Variants in HUNK observed in about 807,000 individuals in gnomAD.
HUNK encodes the protein hormonally up-regulated Neu-associated kinase.
In HUNK, 21 loss-of-function variants were observed where a neutral mutation model predicts 61.0. The observed-to-expected ratio is 0.34, with a 90% CI of 0.24 to 0.50. HUNK has a LOEUF of 0.50. HUNK is among the 20% of genes least tolerant of loss of function. The pLI is 0.98. For synonymous variants in HUNK, 371 were observed against 386.1 expected, an observed-to-expected ratio of 0.96 and a Z score of 0.46; for missense variants, 772 against 945.7, an observed-to-expected ratio of 0.82 and a Z score of 2.41.
chr21:31,926,214 G>A (rs973416141), intron 2 of HUNK, among the ~76,000 whole-genome samples: 5 of 152,146 alleles, frequency 3.3e-5, no homozygotes, highest in Admixed American at 6.5e-5. Flanking sequence ...CACCACGCCC[G>A]GCATAGAAAT....
At chr21:31,916,252 A>G (rs760393905) in intron 1 of HUNK, among the ~76,000 whole-genome samples, 20 of 151,486 alleles carry the variant, frequency 1.3e-4, no homozygotes, top group Non-Finnish European at 2.1e-4. Flanking sequence ...GGGTTTCACC[A>G]TGTTAGCCAG....
At chr21:31,895,058 CTCTT>C (rs931002897) in intron 1 of HUNK, among the ~76,000 whole-genome samples, 18 of 152,234 alleles carry the variant, frequency 1.2e-4, no homozygotes, top group Admixed American at 1.0e-3. Context: ...CAGTCCTGGT[CTCTT>C]TCTTTGGCAA....
At chr21:31,900,812 C>T (rs2052461491) in intron 1 of HUNK, among the ~76,000 whole-genome samples, 1 of 152,248 alleles carries the variant, frequency 6.6e-6, no homozygotes, top group Admixed American at 6.5e-5. Flanking sequence ...GATCAGATGC[C>T]TGTAGCCCTT....
At chr21:31,930,966 C>A (rs1281827986) in intron 2 of HUNK, among the ~76,000 whole-genome samples, 1 of 143,526 alleles carries the variant, frequency 7.0e-6, no homozygotes, top group East Asian at 2.1e-4. Context: ...TCATGGATGA[C>A]ACATTATTCT....
chr21:31,945,468 T>C (rs942979211), intron 3 of HUNK, among the ~76,000 whole-genome samples: 1 of 152,162 alleles, frequency 6.6e-6, no homozygotes, highest in Non-Finnish European at 1.5e-5. Flanking sequence ...GGTGTATTTT[T>C]CCCCTCTTCA....
At position 31,974,451 on chromosome 21, in the gene HUNK, T is replaced by C. The variant is rs576063404; in HGVS notation, c.1011-104T>C. On this transcript the variant is annotated intron_variant, in intron 6 of 10. Coordinates refer to ENST00000270112, the MANE Select transcript of HUNK (RefSeq NM_014586.2). Reference sequence around the variant, plus strand: ...TTTTCAAAATAAAAACTCAAGTCAGTGAATGAATGAGTGAATGAATGAAGC... The same window carrying C: ...TTTTCAAAATAAAAACTCAAGTCAGCGAATGAATGAGTGAATGAATGAAGC... The C allele has an allele frequency of 1.1e-5, 12 of 1,072,632 alleles. No homozygotes were observed. In the South Asian group the frequency reaches 2.4e-4, roughly 21 times the overall value. The allele number at this position is 1,072,632 out of a possible 1,614,324, so 66.4% of individuals were successfully genotyped here.
chr21:31,903,483 T>A (rs1007405991), intron 1 of HUNK, among the ~76,000 whole-genome samples: 9 of 152,148 alleles, frequency 5.9e-5, no homozygotes, highest in African/African-American at 2.2e-4. Context: ...AAAATAATTT[T>A]CATTCTTGGC....
chr21:31,977,861 A>C (rs1488298769), intron 7 of HUNK, among the ~76,000 whole-genome samples: 1 of 152,124 alleles, frequency 6.6e-6, no homozygotes, highest in Non-Finnish European at 1.5e-5. Flanking sequence ...TGGGAAGTCG[A>C]GGCTAATTGT....
At chr21:31,889,807 GC>G (rs2052373320) in intron 1 of HUNK, among the ~76,000 whole-genome samples, 1 of 152,092 alleles carries the variant, frequency 6.6e-6, no homozygotes, top group African/African-American at 2.4e-5. Context: ...TATCATAAAG[GC>G]CATTAAAGCA....
Position 31,998,771 on chromosome 21 carries a change from C to A in HUNK, c.1732C>A (p.His578Asn). 6.2e-7 allele frequency: 1 copy of A among 1,614,210 alleles called. No individual in the cohort carries two copies. The highest frequency in any genetic ancestry group is 8.5e-7 in the Non-Finnish European group (1 of 1,180,042). The change falls in exon 11 of 11, where the codon CAT (histidine) becomes AAT (asparagine). Residue 578 changes from histidine to asparagine, a missense_variant. By Grantham distance (68) the His-to-Asn change is moderately conservative. Coordinates refer to ENST00000270112, the MANE Select transcript of HUNK (RefSeq NM_014586.2). ...CCACGTAGAAGTGCTGTCTCCCTCT[C>A]ATCACTACAGGATTCTGAACTCCCC... is the stretch of plus-strand genomic sequence containing the variant. The part of the protein sequence containing the change: ...DDHVEVLSPS[H>N]HYRILNSPVS...
intron 4 of HUNK, among the ~76,000 whole-genome samples, chr21:31,949,597 A>ACG (rs2052835052): frequency 6.6e-6 from 1 of 151,888 alleles, no homozygotes; most frequent in African/African-American, 2.4e-5. Context: ...ACACACACGC[A>ACG]CACAAAAGCA....
At chr21:31,997,324 T>G (rs777370225) in intron 10 of HUNK, among the ~76,000 whole-genome samples, 6 of 152,208 alleles carry the variant, frequency 3.9e-5, no homozygotes, top group Non-Finnish European at 8.8e-5. Flanking sequence ...CAGGTTGCCT[T>G]AACTGTATGG....
intron 1 of HUNK, among the ~76,000 whole-genome samples, chr21:31,898,017 T>G (rs1240559484): frequency 6.6e-6 from 1 of 152,164 alleles, no homozygotes; most frequent in African/African-American, 2.4e-5. Context: ...GGAGTAGGGA[T>G]GCATTGCAGA....
At chr21:31,979,512 A>ATTTT (rs1568940203) in intron 7 of HUNK, among the ~76,000 whole-genome samples, 2 of 99,508 alleles carry the variant, frequency 2.0e-5, no homozygotes, top group Non-Finnish European at 3.9e-5. Context: ...AGTTGTTTGC[A>ATTTT]TTCTTTTTTT....
At chr21:31,905,997 T>C (rs2052502591) in intron 1 of HUNK, among the ~76,000 whole-genome samples, 1 of 151,932 alleles carries the variant, frequency 6.6e-6, no homozygotes, top group African/African-American at 2.4e-5. Flanking sequence ...TTTTTTTTTT[T>C]CCTGGAGCTG....
At chr21:31,894,195 A>G (rs1220028006) in intron 1 of HUNK, among the ~76,000 whole-genome samples, 3 of 152,216 alleles carry the variant, frequency 2.0e-5, no homozygotes, top group African/African-American at 7.2e-5. Context: ...AAGAAAGCAC[A>G]TCTAAGACCT....
chr21:31,946,861 C>T (rs967520308), intron 4 of HUNK, among the ~76,000 whole-genome samples: 7 of 152,200 alleles, frequency 4.6e-5, no homozygotes, highest in Admixed American at 2.0e-4. Context: ...GTGAACCACC[C>T]GCCTCGGCCT....
chr21:31,910,357 G>A (rs774861089), intron 1 of HUNK, among the ~76,000 whole-genome samples: 18 of 151,988 alleles, frequency 1.2e-4, no homozygotes, highest in African/African-American at 2.7e-4. Context: ...CTCTCTCTTC[G>A]TATCAAGACA....
intron 4 of HUNK, among the ~76,000 whole-genome samples, chr21:31,956,242 T>C (rs964152178): frequency 1.3e-5 from 2 of 152,228 alleles, no homozygotes; most frequent in African/African-American, 4.8e-5. Flanking sequence ...AGACATTGGC[T>C]TAGCCTTGGA....
Sources: gnomAD v4.1 joint callset for allele counts (sites outside exome capture counted in the v4.1 genomes callset) on GRCh38, gnomAD v4.1.1 for gene constraint, MANE v1.5 for transcripts, NCBI Gene and HGNC (gene_info 2026-07-23, HGNC 2026-07-21) for gene names.